NDFIP2: variants seen among roughly 807,000 people sequenced by gnomAD.
NDFIP2 encodes the protein NEDD4 family-interacting protein 2.
NDFIP2 carries 19 observed loss-of-function variants against 36.0 expected under a neutral mutation model. That is an observed-to-expected ratio of 0.53 (90% CI 0.37 to 0.77). NDFIP2 has a LOEUF of 0.77. Ranked by LOEUF, NDFIP2 falls within the 30% of genes least tolerant of loss-of-function variation. The pLI is 0.00. For synonymous variants in NDFIP2, 181 were observed against 167.7 expected (o/e 1.08, Z -0.61); for missense variants, 446 against 435.8 (o/e 1.02, Z -0.21).
chr13:79,489,916 A>C (rs543951232), intron 1 of NDFIP2, among the ~76,000 whole-genome samples: 8 of 152,326 alleles, frequency 5.3e-5, no homozygotes, highest in African/African-American at 1.9e-4. Flanking sequence ...TGCAAGGTCT[A>C]ATGCCGAATG....
rs1164033526 is a variant in NDFIP2 at position 79,555,598 on chromosome 13, A to T, written c.*3085A>T. 1 of 151,986 alleles carries T rather than the reference A, an allele frequency of 6.6e-6. No homozygotes were observed. Among genetic ancestry groups the T allele is most frequent in the Non-Finnish European group, 1.5e-5 (1 of 67,936 alleles). The allele number at this position is 151,986 out of a possible 1,614,324, so 9.4% of individuals were successfully genotyped here. ...GTATTTTTTTTAATAGTTGTATTTG[A>T]ATGATTCCAGCTTATCGTAAATACT... On this transcript the variant is annotated 3_prime_UTR_variant, in exon 8 of 8. Transcript: ENST00000218652.
intron 1 of NDFIP2, among the ~76,000 whole-genome samples, chr13:79,482,197 G>A (rs2079819317): frequency 2.3e-5 from 1 of 43,922 alleles, no homozygotes; most frequent in African/African-American, 1.0e-4. Flanking sequence ...TTTTTTTTTG[G>A]TTAGAGGGGA....
intron 1 of NDFIP2, among the ~76,000 whole-genome samples, chr13:79,496,384 A>G (rs947543569): frequency 3.3e-5 from 5 of 151,830 alleles, no homozygotes; most frequent in African/African-American, 9.7e-5. Context: ...TTTCCTCCTG[A>G]CCACCATGGT....
Position 79,520,993 on chromosome 13 carries a change from A to T in NDFIP2, c.487+18A>T, listed in dbSNP as rs1477773796. 1.9e-6 allele frequency: 3 copies of T among 1,551,552 alleles called. No homozygotes were observed. The highest frequency in any genetic ancestry group is 2.3e-5 in the East Asian group (1 of 44,008). On this transcript the variant is annotated intron_variant, in intron 2 of 7. Coordinates refer to ENST00000218652, the MANE Select transcript of NDFIP2 (RefSeq NM_019080.3). ...AACTTCAGGTATGAAACATCTAGTA[A>T]TGTTTTTATTAGTTCTTTTTTTTTT... is the stretch of plus-strand genomic sequence containing the variant.
chr13:79,527,629 G>A (rs146547562), intron 2 of NDFIP2, among the ~76,000 whole-genome samples: 12 of 152,158 alleles, frequency 7.9e-5, no homozygotes, highest in African/African-American at 2.2e-4. Context: ...ATACTCTGTC[G>A]GTTGTGTACA....
intron 3 of NDFIP2, among the ~76,000 whole-genome samples, chr13:79,537,742 A>G (rs553627665): frequency 9.8e-5 from 15 of 152,302 alleles, no homozygotes; most frequent in African/African-American, 3.4e-4. Context: ...TTCAAGTTCC[A>G]CTTTGACCCT....
intron 1 of NDFIP2, among the ~76,000 whole-genome samples, chr13:79,504,458 T>C (rs1385619361): frequency 1.3e-5 from 2 of 152,176 alleles, no homozygotes; most frequent in African/African-American, 4.8e-5. Context: ...TTGTCTTATA[T>C]AGAGTGCAGT....
At chr13:79,505,446 A>G in intron 1 of NDFIP2, among the ~76,000 whole-genome samples, 1 of 152,116 alleles carries the variant, frequency 6.6e-6, no homozygotes, top group East Asian at 1.9e-4. Context: ...CCTGGGTAAC[A>G]TAGCAAGACT....
At chr13:79,538,744 G>C (rs899397734) in intron 3 of NDFIP2, among the ~76,000 whole-genome samples, 1 of 150,834 alleles carries the variant, frequency 6.6e-6, no homozygotes. Flanking sequence ...CACCATACCT[G>C]GCTAATTTTT....
chr13:79,501,439 G>A (rs539394132), intron 1 of NDFIP2, among the ~76,000 whole-genome samples: 1 of 152,100 alleles, frequency 6.6e-6, no homozygotes, highest in Admixed American at 6.6e-5. Flanking sequence ...TGTACCTTAT[G>A]CGGACTTTTC....
intron 1 of NDFIP2, among the ~76,000 whole-genome samples, chr13:79,499,988 T>G (rs1873593649): frequency 6.6e-6 from 1 of 151,794 alleles, no homozygotes; most frequent in Admixed American, 6.6e-5. Flanking sequence ...TATATGGTAA[T>G]CAAGACAATG....
At chr13:79,542,901 G>A (rs1410784994) in intron 4 of NDFIP2, among the ~76,000 whole-genome samples, 1 of 151,048 alleles carries the variant, frequency 6.6e-6, no homozygotes, top group Non-Finnish European at 1.5e-5. Flanking sequence ...TTTTGAGCCG[G>A]AGTCTTGCTC....
chr13:79,505,162 G>C (rs993828333), intron 1 of NDFIP2, among the ~76,000 whole-genome samples: 2 of 152,312 alleles, frequency 1.3e-5, no homozygotes, highest in Non-Finnish European at 2.9e-5. Context: ...AACAGTTACT[G>C]CCATAATGGC....
intron 5 of NDFIP2, among the ~76,000 whole-genome samples, chr13:79,546,898 A>G (rs974995755): frequency 6.6e-6 from 1 of 152,130 alleles, no homozygotes; most frequent in African/African-American, 2.4e-5. Context: ...TTGACTAAAA[A>G]ATAGTATAGT....
At chr13:79,511,610 A>G (rs1289929015) in intron 1 of NDFIP2, among the ~76,000 whole-genome samples, 1 of 152,202 alleles carries the variant, frequency 6.6e-6, no homozygotes, top group Non-Finnish European at 1.5e-5. Flanking sequence ...TGTTCAGTGC[A>G]TATTGCATCC....
intron 1 of NDFIP2, among the ~76,000 whole-genome samples, chr13:79,505,944 T>C (rs1873849749): frequency 6.6e-6 from 1 of 152,206 alleles, no homozygotes; most frequent in Admixed American, 6.5e-5. Context: ...TGTGTTTATG[T>C]ACTTGACTTT....
intron 4 of NDFIP2, among the ~76,000 whole-genome samples, chr13:79,540,986 A>G (rs374437421): frequency 1.3e-5 from 2 of 152,160 alleles, no homozygotes; most frequent in East Asian, 3.8e-4. Context: ...AGTCCTGTGA[A>G]CCTTGGTTTT....
chr13:79,534,568 A>G (rs980234010), intron 3 of NDFIP2, among the ~76,000 whole-genome samples: 11 of 152,120 alleles, frequency 7.2e-5, no homozygotes, highest in African/African-American at 2.7e-4. Flanking sequence ...AGAGGCAGAA[A>G]TTATTTACAT....
At chr13:79,521,926 G>A (rs1874600784) in intron 2 of NDFIP2, among the ~76,000 whole-genome samples, 1 of 149,170 alleles carries the variant, frequency 6.7e-6, no homozygotes, top group Admixed American at 6.8e-5. Flanking sequence ...CCAGGTTCAC[G>A]CCATTCTCCT....
Sources: gnomAD v4.1 joint callset for allele counts (sites outside exome capture counted in the v4.1 genomes callset) on GRCh38, gnomAD v4.1.1 for gene constraint, MANE v1.5 for transcripts, NCBI Gene and HGNC (gene_info 2026-07-23, HGNC 2026-07-21) for gene names.